The following CRACR2B variants were observed in gnomAD, a reference collection of about 807,000 sequenced individuals.
CRACR2B encodes calcium release activated channel regulator 2B.
Under a neutral mutation model 46.0 loss-of-function variants are expected in CRACR2B, and 50 were observed. The ratio of observed to expected loss-of-function variants is 1.09; its 90% CI spans 0.87 to 1.38. The LOEUF (loss-of-function observed/expected upper bound fraction) is 1.38, where lower values mean the gene tolerates loss of function less well. Ranked by LOEUF, CRACR2B falls within the 40% of genes most tolerant of loss-of-function variation. The pLI, the probability that CRACR2B is intolerant of heterozygous loss-of-function variation, is 0.00. For missense variants in CRACR2B, 667 were observed against 535.0 expected, an observed-to-expected ratio of 1.25 and a Z score of -2.43; for synonymous variants, 277 against 239.6, an observed-to-expected ratio of 1.16 and a Z score of -1.44.
At position 831,640 on chromosome 11, in the gene CRACR2B, C is replaced by T. The variant is rs1565111524; in HGVS notation, c.1131C>T (p.Thr377=). The change falls in exon 9 of 9, where the codon ACC becomes ACT. Residue 377 remains threonine, a synonymous_variant. Coordinates refer to ENST00000525077, the MANE Select transcript of CRACR2B (RefSeq NM_001286606.2). ...CAACAGCCCGCCTGCCTGGGCCCAC[C>T]TGCTGCTGCTGCTGTTGCTGGGCTC... ...ALTTARLPGP[T]CCCCCCWARP... is the part of the protein sequence containing the mutation. 6.5e-7 allele frequency: 1 copy of T among 1,529,524 alleles called. No individual in the cohort carries two copies. Among genetic ancestry groups the T allele is most frequent in the Non-Finnish European group, 8.7e-7 (1 of 1,145,132 alleles). 94.7% of individuals were successfully genotyped at this position (1,529,524 alleles called of 1,614,324 possible).
At position 829,503 on chromosome 11, in the gene CRACR2B, G is replaced by A. The variant is rs373338917; in HGVS notation, c.421G>A (p.Val141Met). Residue 141 changes from valine to methionine, a missense_variant, in exon 3 of 9, where the codon GTG (valine) becomes ATG (methionine). Val to Met is a conservative substitution (Grantham distance 21). Coordinates refer to ENST00000525077, the MANE Select transcript of CRACR2B (RefSeq NM_001286606.2). ...EEEEEERFHT[V>M]LEQLGVAPVL... ...GGAAGAGGAGGAGCGATTCCACACT[G>A]TGCTGGAGCAGCTGGGGGTGGCCCC... 5 of 1,603,890 alleles carry A rather than the reference G, an allele frequency of 3.1e-6. No individual in the cohort carries two copies. The highest frequency in any genetic ancestry group is 2.6e-6 in the Non-Finnish European group (3 of 1,176,232).
chr11:829,598 C>A, intron 3 of CRACR2B, 58 bp downstream of exon 3: 1 of 1,465,374 alleles, frequency 6.8e-7, no homozygotes, highest in Non-Finnish European at 9.1e-7. Flanking sequence ...TGCCTGCATG[C>A]TGTCTGCCCT....
Position 828,894 on chromosome 11 carries a change from G to A in CRACR2B, c.208G>A (p.Ala70Thr), listed in dbSNP as rs770864140. The A allele has an allele frequency of 6.2e-7, 1 of 1,609,734 alleles. No individual in the cohort carries two copies. The highest frequency in any genetic ancestry group is 8.5e-7 in the Non-Finnish European group (1 of 1,179,910). Residue 70 changes from alanine to threonine, a missense_variant, in exon 2 of 9, where the codon GCT (alanine) becomes ACT (threonine). Coordinates refer to ENST00000525077, the MANE Select transcript of CRACR2B (RefSeq NM_001286606.2). ...DLPLTPEQLE[A>T]VFESLDRAHT... is the part of the protein sequence containing the mutation. ...GCCCCTCACGCCAGAGCAGCTGGAG[G>A]CTGTGTTTGAAAGTCTGGACCGGGC...
chr11:828,908 T>C lies in CRACR2B; in HGVS notation c.222T>C (p.Ser74=), dbSNP rs769137654. 13 of 1,609,030 alleles carry C rather than the reference T, an allele frequency of 8.1e-6. No homozygotes were observed. The South Asian group carries it at 9.9e-5, about 12-fold the overall frequency. The change falls in exon 2 of 9, where the codon AGT becomes AGC. Residue 74 remains serine, a synonymous_variant. Coordinates refer to ENST00000525077, the MANE Select transcript of CRACR2B (RefSeq NM_001286606.2). ...TPEQLEAVFE[S]LDRAHTGFLT... Reference sequence around the variant, plus strand: ...AGCAGCTGGAGGCTGTGTTTGAAAGTCTGGACCGGGCTCACACTGGCTTCC... The same window carrying C: ...AGCAGCTGGAGGCTGTGTTTGAAAGCCTGGACCGGGCTCACACTGGCTTCC...
At position 828,975 on chromosome 11, in the gene CRACR2B, G is replaced by A. The variant is rs1846145511; in HGVS notation, c.277+12G>A. ...CTGCCTGGGCCTGGGTGAGCCTGTG[G>A]CCTGCCTATCCCCCACTGCCCAGAG... On this transcript the variant is annotated intron_variant, in intron 2 of 8. Coordinates refer to ENST00000525077, the MANE Select transcript of CRACR2B (RefSeq NM_001286606.2). 1.9e-6 allele frequency: 3 copies of A among 1,601,498 alleles called. No homozygotes were observed. In the African/African-American group the frequency reaches 4.0e-5, roughly 21 times the overall value.
Position 828,426 on chromosome 11 carries a change from AT to A in CRACR2B, c.-178del, listed in dbSNP as rs1846072415. 4 of 678,730 alleles carry A rather than the reference AT, an allele frequency of 5.9e-6. No homozygotes were observed. The East Asian group carries it at 8.9e-5, about 15-fold the overall frequency. The allele number at this position is 678,730 out of a possible 1,614,324, so 42.0% of individuals were successfully genotyped here. On this transcript the variant is annotated 5_prime_UTR_variant, in exon 1 of 9. Coordinates refer to ENST00000525077, the MANE Select transcript of CRACR2B (RefSeq NM_001286606.2). ...CCCAGTGACACCCCAAGCCTGCAGC[AT>A]TTTCCACCCCCAGCCCCCTGGTCCC...
chr11:827,971 G>A lies in CRACR2B; in HGVS notation c.-637G>A, dbSNP rs558750492. 1.3e-5 allele frequency among the ~76,000 whole-genome samples: 2 copies of A among 152,278 alleles called. No homozygotes were observed. Among genetic ancestry groups the A allele is most frequent in the South Asian group, 4.1e-4 (2 of 4,830 alleles). Reference sequence around the variant, plus strand: ...TCGAATCTGGAAGTGTTCCTGAGTGGGGCGTCAGAGGCGAAGGGCTCTGCA... The same window carrying A: ...TCGAATCTGGAAGTGTTCCTGAGTGAGGCGTCAGAGGCGAAGGGCTCTGCA... On this transcript the variant is annotated 5_prime_UTR_variant, in exon 1 of 9. Coordinates refer to ENST00000525077, the MANE Select transcript of CRACR2B (RefSeq NM_001286606.2).
chr11:830,487 C>A (rs4075290), intron 5 of CRACR2B, 134 bp from the exon 6 acceptor site: 2 of 1,537,478 alleles, frequency 1.3e-6, no homozygotes, highest in African/African-American at 2.7e-5. Flanking sequence ...CTGGGCCTCA[C>A]GTATCACCCC....
chr11:829,661 C>A, intron 3 of CRACR2B, 121 bp downstream of exon 3: 1 of 1,188,558 alleles, frequency 8.4e-7, no homozygotes, highest in Non-Finnish European at 1.1e-6. Flanking sequence ...TCAGGCCCAG[C>A]CTAGCGTCAG....
chr11:828,774 T>C lies in CRACR2B; in HGVS notation c.165+2T>C. ...TTCATCACCAAGCACGACCTGCAGGTGAGTCCCCCACCCCAAGAGACTGCT... is the reference window on the plus strand; with the variant it reads ...TTCATCACCAAGCACGACCTGCAGGCGAGTCCCCCACCCCAAGAGACTGCT... On this transcript the variant is annotated splice_donor_variant, in intron 1 of 8. Coordinates refer to ENST00000525077, the MANE Select transcript of CRACR2B (RefSeq NM_001286606.2). LOFTEE classifies it high-confidence loss of function. 1 of 1,613,254 alleles carries C rather than the reference T, an allele frequency of 6.2e-7. No homozygotes were observed. The highest frequency in any genetic ancestry group is 8.5e-7 in the Non-Finnish European group (1 of 1,179,822).
rs540832246 is a variant in CRACR2B at position 829,405 on chromosome 11, G to C, written c.323G>C (p.Arg108Thr). 34 of 1,611,058 alleles carry C rather than the reference G, an allele frequency of 2.1e-5. No homozygotes were observed. In the South Asian group the frequency reaches 3.5e-4, roughly 17 times the overall value. Residue 108 changes from arginine to threonine, a missense_variant, in exon 3 of 9, where the codon AGG (arginine) becomes ACG (threonine). Physicochemically the swap from Arg to Thr is moderately conservative, Grantham distance 71. Transcript: ENST00000525077. ...VASAQGANPCRTPEETFESGG... is the reference protein window; with the variant it reads ...VASAQGANPCTTPEETFESGG... Reference sequence around the variant, plus strand: ...TCAGCCCAGGGAGCGAACCCCTGCAGGACTCCCGAGGAGACCTTTGAGTCG... The same window carrying C: ...TCAGCCCAGGGAGCGAACCCCTGCACGACTCCCGAGGAGACCTTTGAGTCG...
rs768285588 is a variant in CRACR2B at position 830,026 on chromosome 11, G to C, written c.499G>C (p.Glu167Gln). Residue 167 changes from glutamate to glutamine, a missense_variant, in exon 4 of 9, where the codon GAG (glutamate) becomes CAG (glutamine). Coordinates refer to ENST00000525077, the MANE Select transcript of CRACR2B (RefSeq NM_001286606.2). ...VRTLWARLQR[E>Q]RPELLGSFED... ...GACGCTCTGGGCCAGGCTGCAGCGC[G>C]AGCGCCCCGAGCTGCTGGGCTCTTT... 1.9e-6 allele frequency: 3 copies of C among 1,569,210 alleles called. No individual in the cohort carries two copies. The highest frequency in any genetic ancestry group is 1.3e-5 in the African/African-American group (1 of 74,232).
chr11:829,524 GC>G lies in CRACR2B; in HGVS notation c.446del (p.Pro149ArgfsTer9). 2 of 1,593,634 alleles carry G rather than the reference GC, an allele frequency of 1.3e-6. No individual in the cohort carries two copies. The highest frequency in any genetic ancestry group is 1.8e-5 in the Admixed American group (1 of 56,140). On this transcript the variant is annotated frameshift_variant, in exon 3 of 9. Transcript: ENST00000525077. LOFTEE classifies it high-confidence loss of function. Reference sequence around the variant, plus strand: ...CACTGTGCTGGAGCAGCTGGGGGTGGCCCCGGTCCTGGGCAAGTGAGTCGGC... The same window carrying G: ...CACTGTGCTGGAGCAGCTGGGGGTGGCCCGGTCCTGGGCAAGTGAGTCGGC... ...FHTVLEQLGVAPVLGKQRAVR... is the reference protein window; with the variant it reads ...FHTVLEQLGVXPVLGKQRAVR...
At chr11:831,159 T>C (rs748117705) in intron 7 of CRACR2B, 65 bp from the exon 8 acceptor site, 55 of 1,608,324 alleles carry the variant, frequency 3.4e-5, no homozygotes, top group Middle Eastern at 1.7e-4. Flanking sequence ...AGGAGGATCT[T>C]CTAGGGGGTC....
intron 8 of CRACR2B, 118 bp downstream of exon 8, chr11:831,413 T>G: frequency 6.7e-7 from 1 of 1,483,000 alleles, no homozygotes; most frequent in Non-Finnish European, 9.0e-7. Flanking sequence ...ATGCCTGCCT[T>G]TCACCCCTCA....
Position 831,257 on chromosome 11 carries a change from A to G in CRACR2B, c.987A>G (p.Lys329=), listed in dbSNP as rs763224147. The G allele has an allele frequency of 1.9e-6, 3 of 1,610,944 alleles. No homozygotes were observed. The highest frequency in any genetic ancestry group is 2.5e-6 in the Non-Finnish European group (3 of 1,179,318). The change falls in exon 8 of 9, where the codon AAA becomes AAG. Residue 329 remains lysine, a synonymous_variant. Coordinates refer to ENST00000525077, the MANE Select transcript of CRACR2B (RefSeq NM_001286606.2). ...DVVAVSRNMQ[K]EKVSLLRQLE... is the part of the protein sequence containing the mutation. Reference sequence around the variant, plus strand: ...TCGCCGTCTCCAGGAACATGCAGAAAGAGAAAGTCAGCCTGCTACGGCAAC... The same window carrying G: ...TCGCCGTCTCCAGGAACATGCAGAAGGAGAAAGTCAGCCTGCTACGGCAAC...
rs576275167 is a variant in CRACR2B at position 829,050 on chromosome 11, C to T, written c.277+87C>T. Reference sequence around the variant, plus strand: ...GCACTTGTGGCGCCCTGAGGGCTGCCGGTGCCTCTCGTCCTCCTCCCTCCA... The same window carrying T: ...GCACTTGTGGCGCCCTGAGGGCTGCTGGTGCCTCTCGTCCTCCTCCCTCCA... On this transcript the variant is annotated intron_variant, in intron 2 of 8. Transcript: ENST00000525077. The T allele has an allele frequency of 3.7e-5, 56 of 1,517,766 alleles. No homozygotes were observed. The African/African-American group carries it at 6.6e-4, about 18-fold the overall frequency. 94.0% of individuals were successfully genotyped at this position (1,517,766 alleles called of 1,614,324 possible).
rs945046859 is a variant in CRACR2B, at chr11:831,714, C to T, written c.*5C>T. 7 of 1,503,386 alleles carry T rather than the reference C, an allele frequency of 4.7e-6. No homozygotes were observed. Among genetic ancestry groups the T allele is most frequent in the Non-Finnish European group, 1.8e-6 (2 of 1,136,470 alleles). 93.1% of individuals were successfully genotyped at this position (1,503,386 alleles called of 1,614,324 possible). ...CACCTTCCCAGTGCCCGGTGACCAG[C>T]CCCGAGTGACTCACGGACCATGAGC... On this transcript the variant is annotated 3_prime_UTR_variant, in exon 9 of 9. Transcript: ENST00000525077.
In CRACR2B at chr11:830,668, G is replaced by C. The variant is rs750281226; in HGVS notation, c.741G>C (p.Gln247His). The change falls in exon 6 of 9, where the codon CAG becomes CAC. Residue 247 changes from glutamine (Q) to histidine (H), a missense_variant. Physicochemically the swap from Gln to His is conservative, Grantham distance 24. Transcript: ENST00000525077. ...GAAGCCGTCTGGAGCTGGAGCTGCA[G>C]AGCCGCGAGCAGGACCTGGAACGCG... ...ERRSRLELEL[Q>H]SREQDLERAG... 2 of 1,547,314 alleles carry C rather than the reference G, an allele frequency of 1.3e-6. No homozygotes were observed. The highest frequency in any genetic ancestry group is 2.4e-5 in the South Asian group (2 of 83,920).
Sources: allele counts gnomAD v4.1 joint callset (sites outside exome capture counted in the v4.1 genomes callset), GRCh38; gene constraint gnomAD v4.1.1; transcripts MANE v1.5; gene names NCBI Gene and HGNC (gene_info 2026-07-23, HGNC 2026-07-21).